Variants in SLC25A34 observed in about 807,000 individuals in gnomAD.
SLC25A34 encodes the protein solute carrier family 25, member 34.
SLC25A34 carries 26 observed loss-of-function variants against 28.1 expected under a neutral mutation model. The ratio of observed to expected loss-of-function variants is 0.93; its 90% CI spans 0.68 to 1.28. SLC25A34 has a LOEUF of 1.28. Among genes scored for constraint, SLC25A34 ranks in the 50% most tolerant of loss-of-function variants. SLC25A34 has a pLI of 0.00. For missense variants in SLC25A34, 384 were observed against 409.8 expected (o/e 0.94, Z 0.54); for synonymous variants, 182 against 182.2 (o/e 1.00, Z 0.01).
chr1:15,739,422 C>T lies in SLC25A34; in HGVS notation c.*16C>T, dbSNP rs941371384. On this transcript the variant is annotated 3_prime_UTR_variant, in exon 5 of 5. Coordinates refer to ENST00000294454, the MANE Select transcript of SLC25A34 (RefSeq NM_207348.3). ...GGGCACCTAGACGACGGCCCTCACCCCCACGTCCTGACACGGCCGGCACTT... is the reference window on the plus strand; with the variant it reads ...GGGCACCTAGACGACGGCCCTCACCTCCACGTCCTGACACGGCCGGCACTT... 1.3e-6 allele frequency: 2 copies of T among 1,494,440 alleles called. No homozygotes were observed. The highest frequency in any genetic ancestry group is 4.8e-5 in the East Asian group (2 of 41,298). The allele number at this position is 1,494,440 out of a possible 1,614,324, so 92.6% of individuals were successfully genotyped here.
At chr1:15,738,769 G>A in intron 4 of SLC25A34, 41 bp downstream of exon 4, 2 of 1,483,764 alleles carry the variant, frequency 1.3e-6, no homozygotes, top group Non-Finnish European at 1.8e-6. Flanking sequence ...GGGGAGCTGG[G>A]AGCACCCCCC....
In SLC25A34 at chr1:15,738,576, C is replaced by T. The variant is rs1165192323; in HGVS notation, c.598-18C>T. ...TAGAGAGCTGTTGCAGGGATCAGCA[C>T]CTGTGCCATCCCCACAGTGGCTCCC... is the stretch of plus-strand genomic sequence containing the variant. On this transcript the variant is annotated intron_variant, in intron 3 of 4. Coordinates refer to ENST00000294454, the MANE Select transcript of SLC25A34 (RefSeq NM_207348.3). 4.4e-6 allele frequency: 7 copies of T among 1,604,162 alleles called. No homozygotes were observed. Among genetic ancestry groups the T allele is most frequent in the Non-Finnish European group, 5.9e-6 (7 of 1,177,046 alleles).
At chr1:15,738,445 G>A (rs34520750) in intron 3 of SLC25A34, 149 bp from the exon 4 acceptor site, 1 of 1,306,804 alleles carries the variant, frequency 7.7e-7, no homozygotes, top group Non-Finnish European at 1.0e-6. Context: ...AAGGAGCTCA[G>A]GGTGGCAGGG....
rs572670853 is a variant in SLC25A34, at chr1:15,736,367, G to A, written c.-119G>A. On this transcript the variant is annotated 5_prime_UTR_variant, in exon 1 of 5. Transcript: ENST00000294454. ...ACCCTTACCCTCTAGACATGGCCTC[G>A]GTCCCCTGCAAACCCCAGCCCCGTA... is the stretch of plus-strand genomic sequence containing the variant. 3.4e-5 allele frequency: 39 copies of A among 1,139,810 alleles called. No homozygotes were observed. Among genetic ancestry groups the A allele is most frequent in the Non-Finnish European group, 4.3e-5 (38 of 882,356 alleles). 70.6% of individuals were successfully genotyped at this position (1,139,810 alleles called of 1,614,324 possible).
Position 15,738,657 on chromosome 1 carries a change from G to A in SLC25A34, c.661G>A (p.Val221Ile). The A allele has an allele frequency of 3.7e-6, 6 of 1,609,198 alleles. No homozygotes were observed. Among genetic ancestry groups the A allele is most frequent in the Non-Finnish European group, 5.1e-6 (6 of 1,178,998 alleles). The change falls in exon 4 of 5, where the codon GTT (valine) becomes ATT (isoleucine). Residue 221 changes from valine to isoleucine, a missense_variant. Coordinates refer to ENST00000294454, the MANE Select transcript of SLC25A34 (RefSeq NM_207348.3). ...GGGCATGATCAGCAGCATAGCCGTG[G>A]TTGTCGTCATGACTCCCTTCGATGT... ...AGGMISSIAV[V>I]VVMTPFDVVS...
chr1:15,738,674 C>T lies in SLC25A34; in HGVS notation c.678C>T (p.Pro226=). Residue 226 remains proline (P), a synonymous_variant, in exon 4 of 5, where the codon CCC becomes CCT. Transcript: ENST00000294454. ...TAGCCGTGGTTGTCGTCATGACTCC[C>T]TTCGATGTGGTCAGCACGCGGCTAT... ...SSIAVVVVMT[P]FDVVSTRLYN... 1 of 1,608,144 alleles carries T rather than the reference C, an allele frequency of 6.2e-7. No homozygotes were observed. The highest frequency in any genetic ancestry group is 8.5e-7 in the Non-Finnish European group (1 of 1,178,450).
chr1:15,739,171 C>T (rs1007213236), intron 4 of SLC25A34, 53 bp from the exon 5 acceptor site: 6 of 1,580,396 alleles, frequency 3.8e-6, no homozygotes, highest in African/African-American at 1.4e-5. Context: ...GATGTGGTGC[C>T]AGCCAGGGCC....
intron 3 of SLC25A34, among the ~76,000 whole-genome samples, 170 bp downstream of exon 3, chr1:15,738,415 C>A (rs1225019140): frequency 3.3e-5 from 5 of 152,218 alleles, no homozygotes; most frequent in African/African-American, 1.2e-4. Flanking sequence ...GTGGGGTCAG[C>A]AGTGAACCCC....
intron 3 of SLC25A34, 65 bp from the exon 4 acceptor site, chr1:15,738,529 G>A (rs1264459171): frequency 2.2e-5 from 34 of 1,557,822 alleles, no homozygotes; most frequent in African/African-American, 1.5e-4. Flanking sequence ...GTAGGAGGCC[G>A]GGAGGGCACG....
rs770021988 is a variant in SLC25A34, at chr1:15,739,328, C to T, written c.837C>T (p.Gly279=). The T allele has an allele frequency of 6.8e-6, 11 of 1,610,146 alleles. No homozygotes were observed. Among genetic ancestry groups the T allele is most frequent in the Admixed American group, 5.0e-5 (3 of 59,484 alleles). The change falls in exon 5 of 5, where the codon GGC becomes GGT. Residue 279 remains glycine (G), a synonymous_variant. Coordinates refer to ENST00000294454, the MANE Select transcript of SLC25A34 (RefSeq NM_207348.3). The part of the protein sequence containing the change: ...KGLGPAYLRL[G]PHTILSMLFW... ...TGGGCCCCGCCTACCTGCGCCTGGG[C>T]CCCCACACCATCCTCAGCATGCTCT...
In SLC25A34 at chr1:15,736,421, G is replaced by A. The variant is rs575533997; in HGVS notation, c.-65G>A. The A allele has an allele frequency of 8.8e-6, 12 of 1,369,328 alleles. No individual in the cohort carries two copies. Among genetic ancestry groups the A allele is most frequent in the African/African-American group, 3.0e-5 (2 of 66,894 alleles). 84.8% of individuals were successfully genotyped at this position (1,369,328 alleles called of 1,614,324 possible). A position where few individuals can be genotyped will look rare whatever the true frequency, so the allele number is the denominator to read the frequency against. ...CTGCGAGGTTACAGACAGCCTAAAC[G>A]CCACCACCACAGGGCCTGTGCCGTG... On this transcript the variant is annotated 5_prime_UTR_variant, in exon 1 of 5. Coordinates refer to ENST00000294454, the MANE Select transcript of SLC25A34 (RefSeq NM_207348.3).
chr1:15,738,296 G>C (rs1358574398), intron 3 of SLC25A34, 51 bp downstream of exon 3: 1 of 1,530,704 alleles, frequency 6.5e-7, no homozygotes, highest in Non-Finnish European at 8.8e-7. Flanking sequence ...ACCGGACTGA[G>C]GGGGGCCACC....
chr1:15,739,497 C>T lies in SLC25A34; in HGVS notation c.*91C>T. On this transcript the variant is annotated 3_prime_UTR_variant, in exon 5 of 5. Transcript: ENST00000294454. ...GGACAACTGGCTGTCCCGGGGCGGG[C>T]CATGGGCCCAGGCCCTGCCAGAGGT... The T allele has an allele frequency of 7.0e-7, 1 of 1,428,760 alleles. No individual in the cohort carries two copies. Among genetic ancestry groups the T allele is most frequent in the Non-Finnish European group, 9.2e-7 (1 of 1,083,402 alleles). 88.5% of individuals were successfully genotyped at this position (1,428,760 alleles called of 1,614,324 possible). A position where few individuals can be genotyped will look rare whatever the true frequency, so the allele number is the denominator to read the frequency against.
At chr1:15,738,880 G>T (rs920514889) in intron 4 of SLC25A34, 152 bp downstream of exon 4, 55 of 1,114,264 alleles carry the variant, frequency 4.9e-5, no homozygotes, top group Non-Finnish European at 6.4e-5. Context: ...CATTAACTGG[G>T]CTTGTTTGCT....
At chr1:15,737,812 C>T (rs1276020070) in intron 1 of SLC25A34, 117 bp from the exon 2 acceptor site, 15 of 1,142,416 alleles carry the variant, frequency 1.3e-5, no homozygotes, top group Admixed American at 3.9e-5. Flanking sequence ...GCTTCAGGCT[C>T]GGGACCATGG....
Position 15,739,321 on chromosome 1 carries a change from G to C in SLC25A34, c.830G>C (p.Arg277Pro), listed in dbSNP as rs201766813. 5 of 1,610,390 alleles carry C rather than the reference G, an allele frequency of 3.1e-6. No homozygotes were observed. The highest frequency in any genetic ancestry group is 4.2e-6 in the Non-Finnish European group (5 of 1,178,666). The change falls in exon 5 of 5, where the codon CGC becomes CCC. Residue 277 changes from arginine (R) to proline (P), a missense_variant. Arg to Pro is a moderately radical substitution (Grantham distance 103, BLOSUM62 -2). Transcript: ENST00000294454. The stretch of plus-strand genomic sequence containing the variant: ...AAGGGCCTGGGCCCCGCCTACCTGC[G>C]CCTGGGCCCCCACACCATCCTCAGC... ...LYKGLGPAYL[R>P]LGPHTILSML...
rs746132834 is a variant in SLC25A34, at chr1:15,739,326, G to C, written c.835G>C (p.Gly279Arg). The change falls in exon 5 of 5, where the codon GGC becomes CGC. Residue 279 changes from glycine to arginine, a missense_variant. Transcript: ENST00000294454. ...KGLGPAYLRLGPHTILSMLFW... is the reference protein window; with the variant it reads ...KGLGPAYLRLRPHTILSMLFW... ...CCTGGGCCCCGCCTACCTGCGCCTG[G>C]GCCCCCACACCATCCTCAGCATGCT... The C allele has an allele frequency of 5.6e-6, 9 of 1,610,548 alleles. No individual in the cohort carries two copies. The highest frequency in any genetic ancestry group is 7.6e-6 in the Non-Finnish European group (9 of 1,178,728).
rs546244503 is a variant in SLC25A34 at position 15,736,493 on chromosome 1, C to T, written c.8C>T (p.Thr3Met). ME[T>M]VPPAVDLVLG... ...GCCACTGGCCCGGAGGCCATGGAGA[C>T]GGTGCCCCCAGCAGTGGACCTGGTG... The change falls in exon 1 of 5, where the codon ACG (threonine) becomes ATG (methionine). Residue 3 changes from threonine to methionine, a missense_variant. By Grantham distance (81) the Thr-to-Met change is moderately conservative. Transcript: ENST00000294454. 2.8e-5 allele frequency: 40 copies of T among 1,446,814 alleles called. No homozygotes were observed. Among genetic ancestry groups the T allele is most frequent in the South Asian group, 2.7e-4 (18 of 66,898 alleles). The allele number at this position is 1,446,814 out of a possible 1,614,324, so 89.6% of individuals were successfully genotyped here.
chr1:15,739,080 G>A, intron 4 of SLC25A34, 144 bp from the exon 5 acceptor site: 1 of 1,063,036 alleles, frequency 9.4e-7, no homozygotes, highest in East Asian at 2.8e-5. Flanking sequence ...GCCTTCCCAT[G>A]GCGCCGCAGC....
Sources: allele counts gnomAD v4.1 joint callset (sites outside exome capture counted in the v4.1 genomes callset), GRCh38; gene constraint gnomAD v4.1.1; transcripts MANE v1.5; gene names NCBI Gene and HGNC (gene_info 2026-07-23, HGNC 2026-07-21).